Variants in PAX6 observed in about 807,000 individuals in gnomAD.
PAX6 encodes the protein paired box 6.
PAX6 carries 7 observed loss-of-function variants against 60.7 expected under a neutral mutation model. The ratio of observed to expected loss-of-function variants is 0.12; its 90% CI spans 0.07 to 0.22. The LOEUF (loss-of-function observed/expected upper bound fraction) is 0.22, where lower values mean the gene tolerates loss of function less well. PAX6 is among the 10% of genes least tolerant of loss of function. PAX6 has a pLI of 1.00. For synonymous variants in PAX6, 208 were observed against 201.2 expected, an observed-to-expected ratio of 1.03 and a Z score of -0.29; for missense variants, 355 against 555.2, an observed-to-expected ratio of 0.64 and a Z score of 3.62.
intron 8 of PAX6, among the ~76,000 whole-genome samples, chr11:31,797,983 TGA>T (rs10694272): frequency 6.7e-4 from 99 of 148,238 alleles, no homozygotes; most frequent in Admixed American, 1.5e-3. Flanking sequence ...TGGAAGGAGG[TGA>T]GAGAGAGAGA....
At chr11:31,802,007 A>T (rs1348404702) in intron 5 of PAX6, 95 bp from the exon 6 acceptor site, 1 of 976,498 alleles carries the variant, frequency 1.0e-6, no homozygotes, top group East Asian at 2.4e-5. Context: ...AACTACAAAT[A>T]TGATGATACT....
rs1954211448 is a variant in PAX6 at position 31,802,201 on chromosome 11, C to CT, written c.142-290dup. ...AAATAAACTGATTTTTTTACTTCTTCTTCTTTAAAAAATACTCAATTGAGT... is the reference window on the plus strand; with the variant it reads ...AAATAAACTGATTTTTTTACTTCTTCTTTCTTTAAAAAATACTCAATTGAGT... On this transcript the variant is annotated intron_variant, in intron 5 of 13. Coordinates refer to ENST00000640368, the MANE Select transcript of PAX6 (RefSeq NM_001368894.2). 1.2e-5 allele frequency: 5 copies of CT among 432,748 alleles called. No individual in the cohort carries two copies. In the South Asian group the frequency reaches 1.5e-4, roughly 13 times the overall value. 26.8% of individuals were successfully genotyped at this position (432,748 alleles called of 1,614,324 possible). A position where few individuals can be genotyped will look rare whatever the true frequency, so the allele number is the denominator to read the frequency against.
At chr11:31,802,061 A>G in intron 5 of PAX6, 149 bp from the exon 6 acceptor site, 4 of 665,080 alleles carry the variant, frequency 6.0e-6, no homozygotes, top group Non-Finnish European at 1.0e-5. Flanking sequence ...AGCTTTTTTT[A>G]AAAAAAAAAC....
chr11:31,793,887 C>T (rs1462532259), intron 10 of PAX6, 85 bp from the exon 11 acceptor site: 5 of 1,485,600 alleles, frequency 3.4e-6, no homozygotes, highest in Middle Eastern at 1.7e-4. Context: ...CCTCCCCACG[C>T]CCATGGCAGC....
chr11:31,806,626 C>A, intron 3 of PAX6, 164 bp from the exon 4 acceptor site: 2 of 604,148 alleles, frequency 3.3e-6, no homozygotes, highest in Non-Finnish European at 6.0e-6. Flanking sequence ...CTCTGCCCTG[C>A]AGTGCATACA....
chr11:31,806,646 C>T (rs1472292276), intron 3 of PAX6, 184 bp from the exon 4 acceptor site: 1 of 574,560 alleles, frequency 1.7e-6, no homozygotes, highest in Non-Finnish European at 3.1e-6. Flanking sequence ...AAAATCTACC[C>T]TTTGGGGCTT....
At chr11:31,800,956 G>C (rs960877078) in intron 7 of PAX6, 100 bp from the exon 8 acceptor site, 7 of 1,271,572 alleles carry the variant, frequency 5.5e-6, no homozygotes, top group Admixed American at 3.6e-5. Context: ...CTCTCAACCC[G>C]TTAAAAAGCT....
At chr11:31,804,229 A>G (rs1348417691) in intron 4 of PAX6, 2 of 152,262 alleles carry the variant, frequency 1.3e-5, no homozygotes, top group Non-Finnish European at 2.9e-5. Flanking sequence ...TGGAAGGCTA[A>G]TTGAAAAGAT....
rs1425603795 is a variant in PAX6, at chr11:31,794,531, T to C, written c.724+99A>G. The C allele has an allele frequency of 6.7e-6, 8 of 1,190,940 alleles. No homozygotes were observed. The Admixed American group carries it at 1.4e-4, about 21-fold the overall frequency. 73.8% of individuals were successfully genotyped at this position (1,190,940 alleles called of 1,614,324 possible). On this transcript the variant is annotated intron_variant, in intron 9 of 13. Transcript: ENST00000640368. ...GACAGAAAAAAGGAAATCTTTTCATTCTTCTATGCAAAGGGCCCTGGCTAA... is the reference window on the plus strand; with the variant it reads ...GACAGAAAAAAGGAAATCTTTTCATCCTTCTATGCAAAGGGCCCTGGCTAA...
chr11:31,797,144 G>T (rs1245123359), intron 8 of PAX6, among the ~76,000 whole-genome samples: 2 of 151,364 alleles, frequency 1.3e-5, no homozygotes, highest in Non-Finnish European at 2.9e-5. Flanking sequence ...TCTGGTATGG[G>T]GTGGGGGACA....
At chr11:31,796,223 C>G (rs1227793196) in intron 8 of PAX6, among the ~76,000 whole-genome samples, 2 of 152,148 alleles carry the variant, frequency 1.3e-5, no homozygotes, top group Non-Finnish European at 2.9e-5. Context: ...GCACAATGCC[C>G]CGCGAGTAAG....
chr11:31,813,456 G>A (rs918039595), upstream of PAX6, among the ~76,000 whole-genome samples: 1 of 150,884 alleles, frequency 6.6e-6, no homozygotes, highest in African/African-American at 2.4e-5. Context: ...CTCAATTAGC[G>A]ACCGAGTGGA....
upstream of PAX6, chr11:31,812,031 G>C (rs924336989): frequency 6.6e-6 from 1 of 152,622 alleles, no homozygotes; most frequent in Non-Finnish European, 1.5e-5. Flanking sequence ...CGGAAGCCGC[G>C]GTGCGCAGCG....
rs968921493 is a variant in PAX6 at position 31,789,620 on chromosome 11, T to C, written c.*314A>G. 12 of 668,852 alleles carry C rather than the reference T, an allele frequency of 1.8e-5. No homozygotes were observed. The highest frequency in any genetic ancestry group is 3.0e-5 in the Non-Finnish European group (11 of 371,736). 41.4% of individuals were successfully genotyped at this position (668,852 alleles called of 1,614,324 possible). On this transcript the variant is annotated 3_prime_UTR_variant, in exon 14 of 14. Coordinates refer to ENST00000640368, the MANE Select transcript of PAX6 (RefSeq NM_001368894.2). ...CTTCATGACCAACACAGATCAAACA[T>C]CCATCCAGTCTACATTGTTCTTTTT...
intron 8 of PAX6, among the ~76,000 whole-genome samples, chr11:31,799,955 A>AC (rs200672132): frequency 3.5e-3 from 117 of 33,088 alleles, no homozygotes; most frequent in East Asian, 0.015. Context: ...CCTCCGCCCC[A>AC]CCCCCCCCAT....
chr11:31,790,074 T>A (rs574943290), intron 13 of PAX6, 55 bp from the exon 14 acceptor site: 2 of 481,774 alleles, frequency 4.2e-6, no homozygotes. Flanking sequence ...GAAACAGACA[T>A]GGAATACAAA....
At chr11:31,794,392 A>C (rs185676528) in intron 9 of PAX6, 1 of 606,656 alleles carries the variant, frequency 1.6e-6, no homozygotes, top group South Asian at 2.0e-5. Flanking sequence ...TTACTGGTAG[A>C]TGAAAAGAAG....
At chr11:31,793,919 C>A in intron 10 of PAX6, 113 bp downstream of exon 10, 1 of 1,343,472 alleles carries the variant, frequency 7.4e-7, no homozygotes, top group South Asian at 1.2e-5. Flanking sequence ...CAGACTGAAC[C>A]TTTTTATTAT....
Position 31,794,047 on chromosome 11 carries a change from A to G in PAX6, c.792T>C (p.Pro264=), listed in dbSNP as rs1950706671. 6.2e-7 allele frequency: 1 copy of G among 1,607,250 alleles called. No individual in the cohort carries two copies. The highest frequency in any genetic ancestry group is 1.7e-5 in the Admixed American group (1 of 60,004). The change falls in exon 10 of 14, where the codon CCT becomes CCC. Residue 264 remains proline (P), a synonymous_variant. Coordinates refer to ENST00000640368, the MANE Select transcript of PAX6 (RefSeq NM_001368894.2). ...RERLAAKIDL[P]EARIQVWFSN... ...CTCTCGGTACCTGTATTCTTGCTTC[A>G]GGTAGATCTATTTTGGCTGCTAGTC...
Sources: allele counts gnomAD v4.1 joint callset (sites outside exome capture counted in the v4.1 genomes callset), GRCh38; gene constraint gnomAD v4.1.1; transcripts MANE v1.5; gene names NCBI Gene and HGNC (gene_info 2026-07-23, HGNC 2026-07-21).